The following UGT1A8 variants were observed in gnomAD, a reference collection of about 807,000 sequenced individuals.
UGT1A8 encodes UDP-glucuronosyltransferase 1A8.
UGT1A8 carries 39 observed loss-of-function variants against 45.3 expected under a neutral mutation model. That is an observed-to-expected ratio of 0.86 (90% CI 0.67 to 1.12). The LOEUF (loss-of-function observed/expected upper bound fraction) is 1.12, where lower values mean the gene tolerates loss of function less well. Among genes scored for constraint, UGT1A8 ranks in the 50% most tolerant of loss-of-function variants. UGT1A8 has a pLI of 0.00. For synonymous variants in UGT1A8, 275 were observed against 249.2 expected, an observed-to-expected ratio of 1.10 and a Z score of -0.97; for missense variants, 719 against 664.9, an observed-to-expected ratio of 1.08 and a Z score of -0.90.
intron 1 of UGT1A8, among the ~76,000 whole-genome samples, chr2:233,678,086 T>G (rs1428829257): frequency 6.6e-6 from 1 of 152,170 alleles, no homozygotes; most frequent in Non-Finnish European, 1.5e-5. Flanking sequence ...CAAATACCAT[T>G]GTTTTCACTT....
intron 1 of UGT1A8, among the ~76,000 whole-genome samples, chr2:233,711,091 T>G (rs938656759): frequency 1.3e-5 from 2 of 152,216 alleles, no homozygotes; most frequent in East Asian, 3.8e-4. Flanking sequence ...CAAGTCTATC[T>G]GTGCAGCCCA....
At chr2:233,755,025 G>C (rs766586741) in intron 1 of UGT1A8, 29 of 1,306,918 alleles carry the variant, frequency 2.2e-5, no homozygotes, top group Admixed American at 7.6e-5. Context: ...GTCCTTGAAG[G>C]GCCTGCCGCC....
At chr2:233,685,853 T>A (rs2074759924) in intron 1 of UGT1A8, among the ~76,000 whole-genome samples, 1 of 152,252 alleles carries the variant, frequency 6.6e-6, no homozygotes, top group African/African-American at 2.4e-5. Flanking sequence ...ATTTGTTTCA[T>A]AGACACAATA....
At chr2:233,759,078 G>A (rs997941103) in intron 1 of UGT1A8, among the ~76,000 whole-genome samples, 3 of 152,214 alleles carry the variant, frequency 2.0e-5, no homozygotes, top group Non-Finnish European at 4.4e-5. Flanking sequence ...TTGGAAGAAA[G>A]AGACTTTGTT....
In UGT1A8 at chr2:233,767,858, C is replaced by CGGTA. The variant is rs778473109; in HGVS notation, c.998_1001dup (p.Tyr334Ter). On this transcript the variant is annotated stop_gained and frameshift_variant, in exon 3 of 5. Transcript: ENST00000373450. LOFTEE classifies it high-confidence loss of function. ...TTTTTGCCCCTCCCAGGTCCTGTGGCGGTACACTGGAACCCGACCATCGAA... is the reference window on the plus strand; with the variant it reads ...TTTTTGCCCCTCCCAGGTCCTGTGGCGGTAGGTACACTGGAACCCGACCATCGAA... 3 of 1,614,120 alleles carry CGGTA rather than the reference C, an allele frequency of 1.9e-6. No homozygotes were observed. The highest frequency in any genetic ancestry group is 2.5e-6 in the Non-Finnish European group (3 of 1,180,018).
chr2:233,638,471 G>A (rs928729161), intron 1 of UGT1A8, among the ~76,000 whole-genome samples: 1 of 152,054 alleles, frequency 6.6e-6, no homozygotes, highest in Non-Finnish European at 1.5e-5. Context: ...TCTGATATTT[G>A]TACTGCTTCT....
chr2:233,733,211 G>A (rs2078366147), intron 1 of UGT1A8, among the ~76,000 whole-genome samples: 1 of 152,200 alleles, frequency 6.6e-6, no homozygotes, highest in Non-Finnish European at 1.5e-5. Flanking sequence ...ACTTTGGGCT[G>A]AGACAATGGG....
chr2:233,772,707 C>G lies in UGT1A8; in HGVS notation c.*148C>G, dbSNP rs1471091659. 6.8e-7 allele frequency: 1 copy of G among 1,472,874 alleles called. No homozygotes were observed. Among genetic ancestry groups the G allele is most frequent in the African/African-American group, 1.4e-5 (1 of 70,352 alleles). The allele number at this position is 1,472,874 out of a possible 1,614,324, so 91.2% of individuals were successfully genotyped here. The stretch of plus-strand genomic sequence containing the variant: ...GCCCCAGAGTGCTTTAAAAAATTCT[C>G]TTAAATAAAAATAATAGACTCGCTA... On this transcript the variant is annotated 3_prime_UTR_variant, in exon 5 of 5. Coordinates refer to ENST00000373450, the MANE Select transcript of UGT1A8 (RefSeq NM_019076.5).
intron 1 of UGT1A8, among the ~76,000 whole-genome samples, chr2:233,752,970 T>C (rs1695100679): frequency 2.0e-5 from 3 of 152,220 alleles, no homozygotes; most frequent in South Asian, 2.1e-4. Context: ...ATGTAACCAA[T>C]TGTGTAGATA....
chr2:233,712,298 G>T (rs1192832696), intron 1 of UGT1A8, among the ~76,000 whole-genome samples: 3 of 152,338 alleles, frequency 2.0e-5, no homozygotes, highest in East Asian at 1.9e-4. Context: ...CCATGGTGTA[G>T]ATGGAGAATC....
chr2:233,651,618 G>A (rs2073743657), intron 1 of UGT1A8, among the ~76,000 whole-genome samples: 2 of 152,180 alleles, frequency 1.3e-5, no homozygotes, highest in South Asian at 2.1e-4. Context: ...AAAGTGAACT[G>A]TCATTGAAAG....
At chr2:233,656,038 G>A (rs1337309027) in intron 1 of UGT1A8, among the ~76,000 whole-genome samples, 1 of 152,116 alleles carries the variant, frequency 6.6e-6, no homozygotes, top group Non-Finnish European at 1.5e-5. Context: ...AAATACCAGA[G>A]ACAGGCCCTT....
chr2:233,765,029 G>A (rs1326471824), intron 1 of UGT1A8, among the ~76,000 whole-genome samples: 1 of 152,048 alleles, frequency 6.6e-6, no homozygotes, highest in Non-Finnish European at 1.5e-5. Flanking sequence ...CAGGAGTCCT[G>A]CTGTGCAAAT....
At chr2:233,645,562 C>T (rs1190788318) in intron 1 of UGT1A8, among the ~76,000 whole-genome samples, 1 of 152,210 alleles carries the variant, frequency 6.6e-6, no homozygotes, top group Non-Finnish European at 1.5e-5. Context: ...ATACACCATT[C>T]CAACTGGGAA....
chr2:233,772,189 A>G, intron 4 of UGT1A8, 73 bp from the exon 5 acceptor site: 1 of 1,597,464 alleles, frequency 6.3e-7, no homozygotes, highest in Non-Finnish European at 8.5e-7. Context: ...CTTCTTAAGC[A>G]GCCATGAGCA....
intron 1 of UGT1A8, among the ~76,000 whole-genome samples, chr2:233,685,550 T>C (rs1451608117): frequency 1.3e-5 from 2 of 152,224 alleles, no homozygotes; most frequent in Non-Finnish European, 2.9e-5. Flanking sequence ...CTGTTTTTGA[T>C]CCAAATTCAA....
At chr2:233,730,892 ACTC>A (rs1261196505) in intron 1 of UGT1A8, among the ~76,000 whole-genome samples, 1 of 151,952 alleles carries the variant, frequency 6.6e-6, no homozygotes, top group African/African-American at 2.4e-5. Context: ...AGTGGGATCT[ACTC>A]CTTTACCAAA....
At chr2:233,770,024 C>A (rs1031341974) in intron 4 of UGT1A8, 31 of 161,058 alleles carry the variant, frequency 1.9e-4, no homozygotes, top group Non-Finnish European at 2.6e-4. Context: ...TCTTTCCCTG[C>A]ACTGTTGAAG....
chr2:233,743,731 G>A (rs373030535), intron 1 of UGT1A8: 15 of 1,367,244 alleles, frequency 1.1e-5, no homozygotes, highest in Middle Eastern at 2.1e-4. Flanking sequence ...CATAGATATC[G>A]CGTTTCTTGG....
Sources: gnomAD v4.1 joint callset for allele counts (sites outside exome capture counted in the v4.1 genomes callset) on GRCh38, gnomAD v4.1.1 for gene constraint, MANE v1.5 for transcripts, NCBI Gene and HGNC (gene_info 2026-07-23, HGNC 2026-07-21) for gene names.